Variants in ABCA3 observed in about 807,000 individuals in gnomAD.
ABCA3 encodes phospholipid-transporting ATPase ABCA3.
A neutral mutation model predicts 172.8 loss-of-function variants in ABCA3; 88 were observed. The observed-to-expected ratio is 0.51, with a 90% confidence interval of 0.43 to 0.61. ABCA3 has a LOEUF of 0.61. Ranked by LOEUF, ABCA3 falls within the 20% of genes least tolerant of loss-of-function variation. ABCA3 has a pLI of 0.00. For missense variants in ABCA3, 2,164 were observed against 2,301.0 expected (o/e 0.94, Z 1.22); for synonymous variants, 1,066 against 983.8 (o/e 1.08, Z -1.56).
chr16:2,295,263 C>T (rs550984771), intron 18 of ABCA3, among the ~76,000 whole-genome samples: 1 of 152,238 alleles, frequency 6.6e-6, no homozygotes, highest in Non-Finnish European at 1.5e-5. Context: ...ACGAGTAGTT[C>T]TGAGTGCAGC....
At position 2,323,537 on chromosome 16, in the gene ABCA3, T is replaced by C. The variant is rs767050480; in HGVS notation, c.599A>G (p.Asp200Gly). ...NPGPREPTSP[D>G]GGEPGYIREG... The stretch of plus-strand genomic sequence containing the variant: ...GAGCTTCTCACCAGGTTCTCCGCCA[T>C]CAGGGGATGTAGGTTCCCTTGGTCC... Residue 200 changes from aspartate (D) to glycine (G), a missense_variant, in exon 7 of 33, where the codon GAT (aspartate) becomes GGT (glycine). Asp to Gly is a moderately conservative substitution (Grantham distance 94). Around this residue, in one of 3 missense-constraint regions of ABCA3, gnomAD observed 1,343 missense variants for 1,369.6 expected, o/e 0.98. Transcript: ENST00000301732. 6.2e-7 allele frequency: 1 copy of C among 1,614,096 alleles called. No homozygotes were observed. The highest frequency in any genetic ancestry group is 8.5e-7 in the Non-Finnish European group (1 of 1,180,006).
chr16:2,288,597 TG>T (rs890099461), intron 20 of ABCA3, among the ~76,000 whole-genome samples: 10 of 152,146 alleles, frequency 6.6e-5, no homozygotes, highest in African/African-American at 2.4e-4. Flanking sequence ...ACTCTGTCAC[TG>T]GGGGTGGAGT....
Position 2,323,411 on chromosome 16 carries a change from T to C in ABCA3, c.613+112A>G, listed in dbSNP as rs554715733. ...CAAAGACTTGGAACCAAGCCAAATGTCCTGAAAAGTATTTCTTCAAGAAAT... is the reference window on the plus strand; with the variant it reads ...CAAAGACTTGGAACCAAGCCAAATGCCCTGAAAAGTATTTCTTCAAGAAAT... On this transcript the variant is annotated intron_variant, in intron 7 of 32. Coordinates refer to ENST00000301732, the MANE Select transcript of ABCA3 (RefSeq NM_001089.3). 440 of 1,413,370 alleles carry C rather than the reference T, an allele frequency of 3.1e-4. 1 individual carries two copies. The highest frequency in any genetic ancestry group is 1.0e-5 in the Non-Finnish European group (10 of 1,001,172). 87.6% of individuals were successfully genotyped at this position (1,413,370 alleles called of 1,614,324 possible).
intron 10 of ABCA3, among the ~76,000 whole-genome samples, chr16:2,309,158 G>A (rs2093702675): frequency 6.6e-6 from 1 of 152,142 alleles, no homozygotes; most frequent in Non-Finnish European, 1.5e-5. Context: ...GTGTTAGCCA[G>A]GATGGTCTCG....
rs1399989234 is a variant in ABCA3 at position 2,304,142 on chromosome 16, T to C, written c.1294A>G (p.Ile432Val). 3 of 1,614,008 alleles carry C rather than the reference T, an allele frequency of 1.9e-6. No homozygotes were observed. Among genetic ancestry groups the C allele is most frequent in the Admixed American group, 1.7e-5 (1 of 60,002 alleles). The change falls in exon 12 of 33, where the codon ATC (isoleucine) becomes GTC (valine). Residue 432 changes from isoleucine to valine, a missense_variant. Around this residue, in one of 3 missense-constraint regions of ABCA3, gnomAD observed 1,343 missense variants for 1,369.6 expected, o/e 0.98. Transcript: ENST00000301732. ...GGACTCAGGAGGTCTCGCCACTGGA[T>C]GCCCATGCCTGGAAGACACATCAGG... ...IGKFEAKGMG[I>V]QWRDLLSPVN...
At position 2,278,942 on chromosome 16, in the gene ABCA3, C is replaced by T; in HGVS notation, c.4547+1G>A. 2 of 1,613,530 alleles carry T rather than the reference C, an allele frequency of 1.2e-6. No individual in the cohort carries two copies. The highest frequency in any genetic ancestry group is 1.7e-6 in the Non-Finnish European group (2 of 1,180,044). Reference sequence around the variant, plus strand: ...GAAGGGCCAGGGCTCGGGAGGTGCACCTGTACGTCCTGACCAGCTTGTTGG... The same window carrying T: ...GAAGGGCCAGGGCTCGGGAGGTGCATCTGTACGTCCTGACCAGCTTGTTGG... On this transcript the variant is annotated splice_donor_variant, in intron 29 of 32. Coordinates refer to ENST00000301732, the MANE Select transcript of ABCA3 (RefSeq NM_001089.3). LOFTEE classifies it high-confidence loss of function. The surrounding 1 kb of genome is among the most constrained non-coding windows in gnomAD (Gnocchi z 4.4).
chr16:2,313,696 G>A (rs557105571), intron 10 of ABCA3, among the ~76,000 whole-genome samples: 1 of 151,942 alleles, frequency 6.6e-6, no homozygotes, highest in South Asian at 2.1e-4. Context: ...CTTGAGGTCA[G>A]GAGTTTGAGA....
At chr16:2,307,443 T>C (rs1053213089) in intron 11 of ABCA3, among the ~76,000 whole-genome samples, 2 of 151,828 alleles carry the variant, frequency 1.3e-5, no homozygotes, top group African/African-American at 4.8e-5. Context: ...TGATCCCAGG[T>C]ACTCGGGAGG....
At position 2,297,451 on chromosome 16, in the gene ABCA3, C is replaced by T. The variant is rs187784898; in HGVS notation, c.2141G>A (p.Arg714His). 16 of 1,613,762 alleles carry T rather than the reference C, an allele frequency of 9.9e-6. No individual in the cohort carries two copies. Among genetic ancestry groups the T allele is most frequent in the East Asian group, 2.2e-5 (1 of 44,858 alleles). The change falls in exon 17 of 33, where the codon CGC (arginine) becomes CAC (histidine). Residue 714 changes from arginine (R) to histidine (H), a missense_variant. Arg to His is a conservative substitution (Grantham distance 29). Around this residue, in one of 3 missense-constraint regions of ABCA3, gnomAD observed 1,343 missense variants for 1,369.6 expected, o/e 0.98. Coordinates refer to ENST00000301732, the MANE Select transcript of ABCA3 (RefSeq NM_001089.3). This position sits in a 1 kb window ranked among gnomAD's most constrained non-coding sequence, Gnocchi z 5.6. ...GAAGTGGGTGGTCAGCACGATGGTG[C>T]GGTCACTTTTCTGCCGCTGAAGAAG... ...WDLLQRQKSD[R>H]TIVLTTHFMD...
At chr16:2,298,635 T>G in intron 14 of ABCA3, 95 bp from the exon 15 acceptor site, 3 of 1,502,916 alleles carry the variant, frequency 2.0e-6, no homozygotes, top group African/African-American at 1.4e-5. Flanking sequence ...TCTCCCCTAA[T>G]TTCCTCTGAG....
intron 19 of ABCA3, among the ~76,000 whole-genome samples, 163 bp from the exon 20 acceptor site, chr16:2,289,783 T>G (rs918028082): frequency 1.3e-5 from 2 of 152,180 alleles, no homozygotes; most frequent in East Asian, 1.9e-4. Flanking sequence ...CCGGCCACCA[T>G]GCACAGCTAA....
intron 11 of ABCA3, among the ~76,000 whole-genome samples, chr16:2,307,604 T>C (rs558906032): frequency 6.6e-6 from 1 of 152,120 alleles, no homozygotes; most frequent in African/African-American, 2.4e-5. Flanking sequence ...AGATCTCTGA[T>C]GTAATAATTT....
rs1370562023 is a variant in ABCA3, at chr16:2,308,532, C to T, written c.1203G>A (p.Leu401=). Residue 401 remains leucine, a synonymous_variant, in exon 11 of 33, where the codon CTG becomes CTA. Coordinates refer to ENST00000301732, the MANE Select transcript of ABCA3 (RefSeq NM_001089.3). The part of the protein sequence containing the change: ...FVAPRYNWMT[L]SQKLCSCLLS... ...GGAGGCAGGAGCAGAGCTTCTGGCTCAGAGTCATCCAGTTGTACCGAGGGG... is the reference window on the plus strand; with the variant it reads ...GGAGGCAGGAGCAGAGCTTCTGGCTTAGAGTCATCCAGTTGTACCGAGGGG... 2 of 1,614,212 alleles carry T rather than the reference C, an allele frequency of 1.2e-6. No individual in the cohort carries two copies. Among genetic ancestry groups the T allele is most frequent in the East Asian group, 2.2e-5 (1 of 44,886 alleles).
At position 2,287,059 on chromosome 16, in the gene ABCA3, G is replaced by C; in HGVS notation, c.3005-92C>G. 6.9e-7 allele frequency: 1 copy of C among 1,442,106 alleles called. No individual in the cohort carries two copies. The highest frequency in any genetic ancestry group is 9.5e-7 in the Non-Finnish European group (1 of 1,054,794). The allele number at this position is 1,442,106 out of a possible 1,614,324, so 89.3% of individuals were successfully genotyped here. A position where few individuals can be genotyped will look rare whatever the true frequency, so the allele number is the denominator to read the frequency against. ...AGCATGGCTAATCAGGGACCCAATA[G>C]AGTGGTGCCAGCATCCTCTGAGCTG... On this transcript the variant is annotated intron_variant, in intron 21 of 32. Coordinates refer to ENST00000301732, the MANE Select transcript of ABCA3 (RefSeq NM_001089.3). This position sits in a 1 kb window ranked among gnomAD's most constrained non-coding sequence, Gnocchi z 4.1.
At chr16:2,291,802 G>A (rs2093672477) in intron 19 of ABCA3, among the ~76,000 whole-genome samples, 1 of 152,134 alleles carries the variant, frequency 6.6e-6, no homozygotes, top group Non-Finnish European at 1.5e-5. Context: ...GGCTGAGCAC[G>A]GTGCCTCACG....
intron 18 of ABCA3, among the ~76,000 whole-genome samples, chr16:2,292,570 G>T (rs2093673699): frequency 6.6e-6 from 1 of 151,972 alleles, no homozygotes; most frequent in Admixed American, 6.6e-5. Context: ...CTGCACTCCA[G>T]CCTGGGTGGC....
At position 2,281,085 on chromosome 16, in the gene ABCA3, C is replaced by A. The variant is rs572167727; in HGVS notation, c.4301G>T (p.Ser1434Ile). 2.5e-6 allele frequency: 4 copies of A among 1,614,000 alleles called. No homozygotes were observed. The South Asian group carries it at 3.3e-5, about 13-fold the overall frequency. Reference sequence around the variant, plus strand: ...GACAAAGGCATCCCCAGAAGTGAGGCTCTCCTCCCCGGTCAGCATTTTGAA... The same window carrying A: ...GACAAAGGCATCCCCAGAAGTGAGGATCTCCTCCCCGGTCAGCATTTTGAA... ...TTFKMLTGEE[S>I]LTSGDAFVGG... Residue 1434 changes from serine (S) to isoleucine (I), a missense_variant, in exon 28 of 33, where the codon AGC (serine) becomes ATC (isoleucine). Ser to Ile is a moderately radical substitution (Grantham distance 142). This residue lies in a region of ABCA3 where 795 missense variants were observed against 881.9 expected (regional missense o/e 0.90). Coordinates refer to ENST00000301732, the MANE Select transcript of ABCA3 (RefSeq NM_001089.3). This position sits in a 1 kb window ranked among gnomAD's most constrained non-coding sequence, Gnocchi z 4.7.
At chr16:2,304,737 A>G (rs1355206662) in intron 11 of ABCA3, among the ~76,000 whole-genome samples, 49 of 143,596 alleles carry the variant, frequency 3.4e-4, no homozygotes, top group African/African-American at 6.5e-4. Context: ...GTGCAGTGGC[A>G]CGATCTCGGC....
chr16:2,320,891 A>G (rs2093724980), intron 7 of ABCA3, among the ~76,000 whole-genome samples: 1 of 151,878 alleles, frequency 6.6e-6, no homozygotes, highest in Non-Finnish European at 1.5e-5. Context: ...CTGAGGACTA[A>G]CCGACTATTC....
Sources: allele counts gnomAD v4.1 joint callset (sites outside exome capture counted in the v4.1 genomes callset), GRCh38; gene constraint gnomAD v4.1.1; regional missense constraint gnomAD v4.1.1; non-coding constraint Gnocchi (gnomAD v3.1); transcripts MANE v1.5; gene names NCBI Gene and HGNC (gene_info 2026-07-23, HGNC 2026-07-21).